Variants in PIK3R6 observed in about 807,000 individuals in gnomAD.
PIK3R6 encodes the protein phosphoinositide 3-kinase regulatory subunit 6.
Under a neutral mutation model 84.9 loss-of-function variants are expected in PIK3R6, and 91 were observed. That is an observed-to-expected ratio of 1.07 (90% CI 0.90 to 1.28). PIK3R6 has a LOEUF of 1.28. PIK3R6 is among the 50% of genes most tolerant of loss of function. The pLI is 0.00. For missense variants in PIK3R6, 996 were observed against 985.1 expected, an observed-to-expected ratio of 1.01 and a Z score of -0.15; for synonymous variants, 416 against 411.4, an observed-to-expected ratio of 1.01 and a Z score of -0.13.
intron 13 of PIK3R6, among the ~76,000 whole-genome samples, chr17:8,825,223 T>G (rs1030464644): frequency 1.3e-5 from 2 of 152,140 alleles, no homozygotes; most frequent in Admixed American, 1.3e-4. Flanking sequence ...TACACCATGC[T>G]CCTAGAGAGA....
chr17:8,852,236 T>C (rs1406597278), intron 1 of PIK3R6, among the ~76,000 whole-genome samples: 3 of 152,248 alleles, frequency 2.0e-5, no homozygotes, highest in Non-Finnish European at 4.4e-5. Context: ...TGAATGTACT[T>C]AATGCCATTG....
intron 18 of PIK3R6, among the ~76,000 whole-genome samples, chr17:8,812,395 C>T (rs2087385509): frequency 6.6e-6 from 1 of 152,198 alleles, no homozygotes; most frequent in Non-Finnish European, 1.5e-5. Flanking sequence ...GGCCTCTAGA[C>T]CAAATGGACC....
intron 7 of PIK3R6, 56 bp from the exon 8 acceptor site, chr17:8,835,512 G>T: frequency 1.4e-6 from 2 of 1,432,850 alleles, no homozygotes; most frequent in South Asian, 1.4e-5. Flanking sequence ...TGGGAGAGGG[G>T]CCACCGGATG....
intron 11 of PIK3R6, 64 bp downstream of exon 11, chr17:8,828,503 C>A: frequency 3.8e-6 from 6 of 1,561,318 alleles, no homozygotes; most frequent in African/African-American, 1.3e-5. Flanking sequence ...CTTCACCAGC[C>A]CACGCCAGGC....
intron 1 of PIK3R6, among the ~76,000 whole-genome samples, chr17:8,866,558 C>T (rs78802602): frequency 0.03 from 4,542 of 152,110 alleles, 228 homozygotes; most frequent in African/African-American, 0.1. Context: ...CAAAAAAGGA[C>T]CGGCCTGCGA....
intron 18 of PIK3R6, among the ~76,000 whole-genome samples, chr17:8,808,338 C>A (rs1415555243): frequency 6.6e-6 from 1 of 152,156 alleles, no homozygotes; most frequent in African/African-American, 2.4e-5. Context: ...GTGGAACCTG[C>A]ACATACAAAA....
intron 18 of PIK3R6, among the ~76,000 whole-genome samples, chr17:8,814,817 C>G (rs2087476962): frequency 6.6e-6 from 1 of 151,970 alleles, no homozygotes; most frequent in African/African-American, 2.4e-5. Flanking sequence ...TGAGAATTGT[C>G]CATCAAAGGT....
intron 2 of PIK3R6, among the ~76,000 whole-genome samples, chr17:8,843,463 T>C (rs1451810397): frequency 6.6e-6 from 1 of 152,136 alleles, no homozygotes; most frequent in Non-Finnish European, 1.5e-5. Flanking sequence ...CCCCTTGCTT[T>C]GCAAGGGAAG....
intron 2 of PIK3R6, among the ~76,000 whole-genome samples, chr17:8,840,953 C>A (rs975906820): frequency 1.3e-5 from 2 of 151,848 alleles, no homozygotes; most frequent in Admixed American, 1.3e-4. Context: ...GGGATTTCAC[C>A]GTGTTAGCTA....
At chr17:8,860,801 A>G (rs181017183) in intron 1 of PIK3R6, among the ~76,000 whole-genome samples, 212 of 152,242 alleles carry the variant, frequency 1.4e-3, no homozygotes, top group Middle Eastern at 0.014. Flanking sequence ...CAGTGTCCCT[A>G]TTGAGTTCAC....
intron 9 of PIK3R6, 84 bp from the exon 10 acceptor site, chr17:8,829,876 C>CAGGAT: frequency 8.7e-7 from 1 of 1,153,382 alleles, no homozygotes; most frequent in Non-Finnish European, 1.2e-6. Context: ...AGCTCCTGTG[C>CAGGAT]GGGGTCTTAG....
At chr17:8,849,260 C>T (rs2088885000) in intron 2 of PIK3R6, among the ~76,000 whole-genome samples, 1 of 152,232 alleles carries the variant, frequency 6.6e-6, no homozygotes, top group Non-Finnish European at 1.5e-5. Flanking sequence ...GCGAAGCAAT[C>T]CATACTGAAA....
intron 1 of PIK3R6, among the ~76,000 whole-genome samples, chr17:8,854,286 C>G (rs112769687): frequency 6.6e-6 from 1 of 152,018 alleles, no homozygotes; most frequent in Non-Finnish European, 1.5e-5. Context: ...GTAGCTGGGA[C>G]TACAGGCACA....
chr17:8,840,936 C>T (rs35247336), intron 2 of PIK3R6, among the ~76,000 whole-genome samples: 11,264 of 150,234 alleles, frequency 0.075, 1,106 homozygotes, highest in African/African-American at 0.22. Flanking sequence ...GTATTTTTAG[C>T]AGAGACGGGA....
rs1339752253 is a variant in PIK3R6 at position 8,862,054 on chromosome 17, G to T, written c.-92+5475C>A. ...TTAAGATAGAAAGGGCATTAAATGT[G>T]TGGGTGCAAGACCTGAGCAGAAATG... is the stretch of plus-strand genomic sequence containing the variant. On this transcript the variant is annotated intron_variant, in intron 1 of 19. Coordinates refer to ENST00000619866, the MANE Select transcript of PIK3R6 (RefSeq NM_001010855.4). The surrounding 1 kb of genome is among the most constrained non-coding windows in gnomAD (Gnocchi z 4.3). 6.6e-6 allele frequency among the ~76,000 whole-genome samples: 1 copy of T among 152,216 alleles called. No individual in the cohort carries two copies. The highest frequency in any genetic ancestry group is 1.9e-4 in the East Asian group (1 of 5,202).
At chr17:8,843,436 G>A (rs1356449702) in intron 2 of PIK3R6, among the ~76,000 whole-genome samples, 1 of 152,050 alleles carries the variant, frequency 6.6e-6, no homozygotes, top group African/African-American at 2.4e-5. Flanking sequence ...CCAAGCCTTT[G>A]TCTTCTGAGC....
intron 18 of PIK3R6, among the ~76,000 whole-genome samples, chr17:8,807,418 G>A (rs904337106): frequency 6.6e-6 from 1 of 152,154 alleles, no homozygotes; most frequent in Admixed American, 6.5e-5. Flanking sequence ...TGTCACAAAT[G>A]TTTCCATAGC....
In PIK3R6 at chr17:8,828,895, C is replaced by G. The variant is rs776156087; in HGVS notation, c.985G>C (p.Glu329Gln). 3 of 1,563,816 alleles carry G rather than the reference C, an allele frequency of 1.9e-6. No homozygotes were observed. Among genetic ancestry groups the G allele is most frequent in the Non-Finnish European group, 2.6e-6 (3 of 1,154,806 alleles). ...LDLQGLRPDR[E>Q]LARVSVLSTD... is the part of the protein sequence containing the mutation. ...GACAGCACAGAAACCCGGGCCAACT[C>G]CCGGTCCGGCCGGAGGCCCTGCAGA... Residue 329 changes from glutamate to glutamine, a missense_variant, in exon 11 of 20, where the codon GAG becomes CAG. Glu to Gln is a conservative substitution (Grantham distance 29). Transcript: ENST00000619866.
intron 1 of PIK3R6, among the ~76,000 whole-genome samples, chr17:8,861,518 G>C (rs766569694): frequency 6.6e-6 from 1 of 152,186 alleles, no homozygotes; most frequent in Non-Finnish European, 1.5e-5. Flanking sequence ...ATTGCACACT[G>C]TTCTGAGGAG....
Sources: allele counts gnomAD v4.1 joint callset (sites outside exome capture counted in the v4.1 genomes callset), GRCh38; gene constraint gnomAD v4.1.1; non-coding constraint Gnocchi (gnomAD v3.1); transcripts MANE v1.5; gene names NCBI Gene and HGNC (gene_info 2026-07-23, HGNC 2026-07-21).